The following C8orf34 variants were observed in gnomAD, a reference collection of about 807,000 sequenced individuals.
C8orf34 encodes chromosome 8 open reading frame 34.
In C8orf34, 65 loss-of-function variants were observed where a neutral mutation model predicts 68.3. The observed-to-expected ratio is 0.95, with a 90% CI of 0.78 to 1.17. The LOEUF (loss-of-function observed/expected upper bound fraction) is 1.17, where lower values mean the gene tolerates loss of function less well. Among genes scored for constraint, C8orf34 ranks in the 50% most tolerant of loss-of-function variants. The probability of loss-of-function intolerance (pLI) is 0.00; values close to 1 mark genes in which losing one functional copy is unlikely to be tolerated. For missense variants in C8orf34, 664 were observed against 655.4 expected (o/e 1.01, Z -0.14); for synonymous variants, 244 against 241.2 (o/e 1.01, Z -0.11).
intron 1 of C8orf34, among the ~76,000 whole-genome samples, chr8:68,430,924 T>C (rs1291423406): frequency 6.6e-6 from 1 of 152,136 alleles, no homozygotes; most frequent in Non-Finnish European, 1.5e-5. Flanking sequence ...TGCTATGAAA[T>C]CTAGTTCATA....
intron 7 of C8orf34, 173 bp downstream of exon 7, chr8:68,533,322 T>C: frequency 1.5e-6 from 2 of 1,374,750 alleles, no homozygotes; most frequent in Admixed American, 3.3e-5. Context: ...AGAACTAAAT[T>C]GAAATACCCT....
At chr8:68,591,112 A>C (rs1817376093) in intron 7 of C8orf34, among the ~76,000 whole-genome samples, 1 of 152,160 alleles carries the variant, frequency 6.6e-6, no homozygotes, top group South Asian at 2.1e-4. Flanking sequence ...ATACCCTGCC[A>C]CCATCTTGGA....
chr8:68,441,904 T>C (rs1219233467), intron 2 of C8orf34, among the ~76,000 whole-genome samples: 1 of 152,216 alleles, frequency 6.6e-6, no homozygotes, highest in African/African-American at 2.4e-5. Flanking sequence ...GTTCTCTTAG[T>C]ACCTATTGAT....
chr8:68,707,773 G>A (rs147124760), intron 8 of C8orf34, among the ~76,000 whole-genome samples: 35 of 152,146 alleles, frequency 2.3e-4, no homozygotes, highest in African/African-American at 8.2e-4. Context: ...ATATCCCAAT[G>A]TGTTGGAGCT....
chr8:68,534,425 T>C (rs994887706), intron 7 of C8orf34: 8 of 793,248 alleles, frequency 1.0e-5, no homozygotes, highest in South Asian at 5.7e-5. Context: ...AATAAAATCA[T>C]TGTGATCTGT....
In C8orf34 at chr8:68,430,757, G is replaced by T. The variant is rs1172720389; in HGVS notation, c.328-8742G>T. Among the ~76,000 whole-genome samples the T allele has an allele frequency of 2.0e-5, 3 of 152,132 alleles. No individual in the cohort carries two copies. The East Asian group carries it at 5.8e-4, about 29-fold the overall frequency. On this transcript the variant is annotated intron_variant, in intron 1 of 13. Coordinates refer to ENST00000518698, the MANE Select transcript of C8orf34 (RefSeq NM_052958.4). ...GCTCTAAAGATTTGATCATGCAATT[G>T]CCTGTAGCTGAATATTCTCTTGGGG...
intron 10 of C8orf34, among the ~76,000 whole-genome samples, chr8:68,740,406 A>T (rs1438491496): frequency 6.6e-6 from 1 of 152,158 alleles, no homozygotes; most frequent in Non-Finnish European, 1.5e-5. Flanking sequence ...ATTTACAAGA[A>T]AAAAAACCAT....
intron 1 of C8orf34, among the ~76,000 whole-genome samples, chr8:68,368,616 A>G (rs1368860694): frequency 2.6e-5 from 4 of 152,112 alleles, no homozygotes; most frequent in African/African-American, 9.7e-5. Flanking sequence ...GTACCTTTAT[A>G]AAGTTAGGAA....
rs1158827800 is a variant in C8orf34 at position 68,464,750 on chromosome 8, G to T, written c.608-3942G>T. Among the ~76,000 whole-genome samples the T allele has an allele frequency of 4.8e-4, 73 of 150,992 alleles. 1 individual carries two copies. Among genetic ancestry groups the T allele is most frequent in the African/African-American group, 1.1e-3 (44 of 41,186 alleles). ...GCTGGGAAAACTGGCTAGCCATATG[G>T]AGAAAGCTGAAACTGGATCCCTTCC... On this transcript the variant is annotated intron_variant, in intron 3 of 13. Transcript: ENST00000518698.
At chr8:68,337,022 A>G (rs1175899514) in intron 1 of C8orf34, among the ~76,000 whole-genome samples, 1 of 152,236 alleles carries the variant, frequency 6.6e-6, no homozygotes, top group African/African-American at 2.4e-5. Context: ...ACCTTATAGT[A>G]GAATGCCAAC....
intron 11 of C8orf34, among the ~76,000 whole-genome samples, chr8:68,787,037 G>A (rs1372432681): frequency 3.9e-5 from 6 of 152,214 alleles, no homozygotes; most frequent in South Asian, 2.1e-4. Flanking sequence ...GAGTAAAATC[G>A]AAGATGTTCT....
intron 10 of C8orf34, among the ~76,000 whole-genome samples, chr8:68,763,956 G>A (rs1823096096): frequency 6.6e-6 from 1 of 152,170 alleles, no homozygotes; most frequent in Non-Finnish European, 1.5e-5. Flanking sequence ...TATGTGCTAG[G>A]CACTAGAATC....
At chr8:68,619,679 A>G (rs1426299868) in intron 7 of C8orf34, among the ~76,000 whole-genome samples, 1 of 152,172 alleles carries the variant, frequency 6.6e-6, no homozygotes, top group Non-Finnish European at 1.5e-5. Context: ...ACAGGTACAT[A>G]TTCATCTTAA....
rs1388024462 is a variant in C8orf34 at position 68,415,542 on chromosome 8, T to C, written c.328-23957T>C. Among the ~76,000 whole-genome samples, 7 of 152,198 alleles carry C rather than the reference T, an allele frequency of 4.6e-5. No individual in the cohort carries two copies. In the East Asian group the frequency reaches 1.4e-3, roughly 29 times the overall value. On this transcript the variant is annotated intron_variant, in intron 1 of 13. Transcript: ENST00000518698. ...AAAGACAGACATGGGGTTCAGGAGA[T>C]TGCATGCAGTAGTTTCTGAAATCCA...
At chr8:68,569,742 A>C (rs528888732) in intron 7 of C8orf34, among the ~76,000 whole-genome samples, 1 of 152,314 alleles carries the variant, frequency 6.6e-6, no homozygotes, top group South Asian at 2.1e-4. Flanking sequence ...ATCATCTGTC[A>C]AGGAATTCAC....
At chr8:68,477,843 C>G (rs1400201297) in intron 4 of C8orf34, among the ~76,000 whole-genome samples, 1 of 152,188 alleles carries the variant, frequency 6.6e-6, no homozygotes, top group East Asian at 1.9e-4. Flanking sequence ...CTTGCACCCT[C>G]TGAAGCAACA....
upstream of C8orf34, chr8:68,330,797 A>ACACACACACACGCACG (rs1805534918): frequency 2.2e-6 from 1 of 454,296 alleles, no homozygotes; most frequent in African/African-American, 2.2e-5. Flanking sequence ...GCGCACGGAC[A>ACACACACACACGCACG]CACACACACA....
intron 1 of C8orf34, among the ~76,000 whole-genome samples, chr8:68,434,923 C>T (rs535388917): frequency 2.8e-4 from 43 of 151,984 alleles, no homozygotes; most frequent in Non-Finnish European, 5.0e-4. Flanking sequence ...GTGGCATGTG[C>T]CTGTAATCCC....
chr8:68,581,574 C>A (rs2117492), intron 7 of C8orf34, among the ~76,000 whole-genome samples: 1 of 151,956 alleles, frequency 6.6e-6, no homozygotes, highest in African/African-American at 2.4e-5. Flanking sequence ...GATGGAAAAG[C>A]AAAAGTCAGG....
Sources: allele counts gnomAD v4.1 joint callset (sites outside exome capture counted in the v4.1 genomes callset), GRCh38; gene constraint gnomAD v4.1.1; transcripts MANE v1.5; gene names NCBI Gene and HGNC (gene_info 2026-07-23, HGNC 2026-07-21).